The following CHSY1 variants were observed in gnomAD, a reference collection of about 807,000 sequenced individuals.
The protein encoded by CHSY1 is chondroitin sulfate synthase 1.
Under a neutral mutation model 59.8 loss-of-function variants are expected in CHSY1, and 13 were observed. That is an observed-to-expected ratio of 0.22 (90% confidence interval 0.14 to 0.35). The LOEUF (loss-of-function observed/expected upper bound fraction) is 0.35. CHSY1 is among the 10% of genes least tolerant of loss of function. The probability of loss-of-function intolerance (pLI) is 1.00; values close to 1 mark genes in which losing one functional copy is unlikely to be tolerated. For missense variants in CHSY1, 947 were observed against 1,030.6 expected, an observed-to-expected ratio of 0.92 and a Z score of 1.11; for synonymous variants, 459 against 401.2, an observed-to-expected ratio of 1.14 and a Z score of -1.72.
At chr15:101,248,681 G>A (rs547544371) in intron 1 of CHSY1, among the ~76,000 whole-genome samples, 2 of 152,344 alleles carry the variant, frequency 1.3e-5, no homozygotes, top group East Asian at 1.9e-4. Flanking sequence ...AAAAGATGAG[G>A]GAAGAGATGT....
At chr15:101,217,840 G>GT (rs896654962) in intron 2 of CHSY1, among the ~76,000 whole-genome samples, 44 of 152,146 alleles carry the variant, frequency 2.9e-4, no homozygotes, top group Non-Finnish European at 5.9e-5. Flanking sequence ...CTCCCCACCC[G>GT]TAAGTGTGAG....
intron 2 of CHSY1, among the ~76,000 whole-genome samples, chr15:101,188,835 T>C (rs1596430327): frequency 6.6e-6 from 1 of 152,230 alleles, no homozygotes; most frequent in Non-Finnish European, 1.5e-5. Context: ...CAGCAGAGAC[T>C]GTGGTAGGAG....
At chr15:101,229,831 G>A (rs1394558727) in intron 2 of CHSY1, among the ~76,000 whole-genome samples, 1 of 151,874 alleles carries the variant, frequency 6.6e-6, no homozygotes, top group Non-Finnish European at 1.5e-5. Context: ...CGCTTGAACC[G>A]AGGAGGCAGA....
intron 2 of CHSY1, among the ~76,000 whole-genome samples, chr15:101,219,489 A>T (rs1342169427): frequency 6.6e-6 from 1 of 152,186 alleles, no homozygotes; most frequent in African/African-American, 2.4e-5. Flanking sequence ...AAAATAAACA[A>T]ATCATACATT....
intron 2 of CHSY1, among the ~76,000 whole-genome samples, chr15:101,182,976 A>G (rs1468649089): frequency 6.6e-6 from 1 of 152,204 alleles, no homozygotes; most frequent in East Asian, 1.9e-4. Context: ...AAACACAACA[A>G]CAAAAACAAA....
chr15:101,178,657 A>C lies in CHSY1; in HGVS notation c.1140T>G (p.Thr380=). The change falls in exon 3 of 3, where the codon ACT becomes ACG. Residue 380 remains threonine, a synonymous_variant. Transcript: ENST00000254190. Reference sequence around the variant, plus strand: ...CAACTGCCGAATACAAGTATTTTCCAGTCAGAAACTCCCATTCCAGAATCT... The same window carrying C: ...CAACTGCCGAATACAAGTATTTTCCCGTCAGAAACTCCCATTCCAGAATCT... ...REEILEWEFL[T]GKYLYSAVDG... is the part of the protein sequence containing the mutation. 1 of 1,614,224 alleles carries C rather than the reference A, an allele frequency of 6.2e-7. No homozygotes were observed.
intron 2 of CHSY1, among the ~76,000 whole-genome samples, chr15:101,234,606 C>A (rs1026672330): frequency 3.9e-5 from 6 of 152,320 alleles, no homozygotes; most frequent in African/African-American, 7.2e-5. Context: ...CCGTGGCTCA[C>A]GCCTGTAATC....
chr15:101,222,038 G>A (rs1475511684), intron 2 of CHSY1, among the ~76,000 whole-genome samples: 4 of 152,080 alleles, frequency 2.6e-5, no homozygotes, highest in Non-Finnish European at 4.4e-5. Context: ...TTGCTGTAAT[G>A]GTACCATTAC....
chr15:101,196,533 C>A (rs2038508838), intron 2 of CHSY1, among the ~76,000 whole-genome samples: 1 of 152,136 alleles, frequency 6.6e-6, no homozygotes, highest in South Asian at 2.1e-4. Context: ...GGGTATAACT[C>A]ATGTCAAACT....
At chr15:101,204,255 G>A (rs1289938318) in intron 2 of CHSY1, among the ~76,000 whole-genome samples, 2 of 152,008 alleles carry the variant, frequency 1.3e-5, no homozygotes, top group Non-Finnish European at 2.9e-5. Context: ...CCAATATGGC[G>A]AAACCCCATC....
At position 101,231,789 on chromosome 15, in the gene CHSY1, G is replaced by T. The variant is rs148377173; in HGVS notation, c.816+3293C>A. Among the ~76,000 whole-genome samples the T allele has an allele frequency of 2.6e-5, 4 of 152,322 alleles. No homozygotes were observed. In the East Asian group the frequency reaches 7.7e-4, roughly 29 times the overall value. ...CAATTTTCTTTTTGTTCCCTCTTAA[G>T]AGTAGTATAGCTTTTCATGTATTTG... On this transcript the variant is annotated intron_variant, in intron 2 of 2. Coordinates refer to ENST00000254190, the MANE Select transcript of CHSY1 (RefSeq NM_014918.5).
intron 2 of CHSY1, among the ~76,000 whole-genome samples, chr15:101,218,114 T>C (rs1239547542): frequency 6.6e-6 from 1 of 152,102 alleles, no homozygotes; most frequent in African/African-American, 2.4e-5. Context: ...GAGGAAAATT[T>C]TACAAAATAC....
intron 2 of CHSY1, 23 bp from the exon 3 acceptor site, chr15:101,179,003 T>A (rs751348672): frequency 1.2e-6 from 2 of 1,611,750 alleles, no homozygotes; most frequent in Non-Finnish European, 1.7e-6. Flanking sequence ...AAAAAAGAGA[T>A]CACAAATTTA....
At chr15:101,231,441 C>T (rs1426936475) in intron 2 of CHSY1, among the ~76,000 whole-genome samples, 1 of 152,168 alleles carries the variant, frequency 6.6e-6, no homozygotes, top group Non-Finnish European at 1.5e-5. Context: ...GGGCCGGAGG[C>T]AGAGGAAGGA....
chr15:101,201,475 C>T (rs755280339), intron 2 of CHSY1, among the ~76,000 whole-genome samples: 13 of 152,182 alleles, frequency 8.5e-5, no homozygotes, highest in Non-Finnish European at 1.8e-4. Context: ...CCAATGAGCC[C>T]GCCCAGCCTA....
Position 101,178,644 on chromosome 15 carries a change from A to T in CHSY1, c.1153T>A (p.Tyr385Asn). Reference sequence around the variant, plus strand: ...GGGGGCTGGCCGTCAACTGCCGAATACAAGTATTTTCCAGTCAGAAACTCC... The same window carrying T: ...GGGGGCTGGCCGTCAACTGCCGAATTCAAGTATTTTCCAGTCAGAAACTCC... ...EWEFLTGKYLYSAVDGQPPRR... is the reference protein window; with the variant it reads ...EWEFLTGKYLNSAVDGQPPRR... The change falls in exon 3 of 3, where the codon TAT becomes AAT. Residue 385 changes from tyrosine (Y) to asparagine (N), a missense_variant. Physicochemically the swap from Tyr to Asn is moderately radical, Grantham distance 143. This residue lies in a region of CHSY1 where 602 missense variants were observed against 676.9 expected (regional missense o/e 0.89). Coordinates refer to ENST00000254190, the MANE Select transcript of CHSY1 (RefSeq NM_014918.5). 6.2e-7 allele frequency: 1 copy of T among 1,614,216 alleles called. No individual in the cohort carries two copies. The highest frequency in any genetic ancestry group is 8.5e-7 in the Non-Finnish European group (1 of 1,180,042).
Position 101,177,630 on chromosome 15 carries a change from G to C in CHSY1, c.2167C>G (p.Leu723Val). 2 of 1,614,138 alleles carry C rather than the reference G, an allele frequency of 1.2e-6. No homozygotes were observed. Among genetic ancestry groups the C allele is most frequent in the Admixed American group, 1.7e-5 (1 of 60,002 alleles). Residue 723 changes from leucine (L) to valine (V), a missense_variant, in exon 3 of 3, where the codon CTT becomes GTT. Leu to Val is a conservative substitution (Grantham distance 32). Transcript: ENST00000254190. Reference sequence around the variant, plus strand: ...CCTGCCTGGACAACCTTGTTGAAAAGGTCCACATCCTCCAGCCCCCAGCCT... The same window carrying C: ...CCTGCCTGGACAACCTTGTTGAAAACGTCCACATCCTCCAGCCCCCAGCCT... ...IQGWGLEDVD[L>V]FNKVVQAGLK...
intron 1 of CHSY1, 71 bp from the exon 2 acceptor site, chr15:101,235,648 G>A: frequency 6.6e-7 from 1 of 1,506,662 alleles, no homozygotes; most frequent in South Asian, 1.1e-5. Context: ...CACGTTATCT[G>A]CTCATCTTGT....
At chr15:101,217,879 G>C (rs2038750388) in intron 2 of CHSY1, among the ~76,000 whole-genome samples, 1 of 152,184 alleles carries the variant, frequency 6.6e-6, no homozygotes, top group South Asian at 2.1e-4. Flanking sequence ...CTCCTGAAGA[G>C]CACAGTATGT....
Sources: gnomAD v4.1 joint callset for allele counts (sites outside exome capture counted in the v4.1 genomes callset) on GRCh38, gnomAD v4.1.1 for gene constraint, gnomAD v4.1.1 regional missense constraint, MANE v1.5 for transcripts, NCBI Gene and HGNC (gene_info 2026-07-23, HGNC 2026-07-21) for gene names.